Variants in CBFA2T3 observed in about 807,000 individuals in gnomAD.
CBFA2T3 encodes CBFA2/RUNX1 partner transcriptional co-repressor 3.
CBFA2T3 carries 31 observed loss-of-function variants against 58.6 expected under a neutral mutation model. That is an observed-to-expected ratio of 0.53 (90% CI 0.40 to 0.71). The LOEUF (loss-of-function observed/expected upper bound fraction) is 0.71. Ranked by LOEUF, CBFA2T3 falls within the 30% of genes least tolerant of loss-of-function variation. The probability of loss-of-function intolerance (pLI) is 0.00; values close to 1 mark genes in which losing one functional copy is unlikely to be tolerated. For missense variants in CBFA2T3, 1,076 were observed against 963.1 expected, an observed-to-expected ratio of 1.12 and a Z score of -1.55; for synonymous variants, 531 against 421.9, an observed-to-expected ratio of 1.26 and a Z score of -3.17.
rs568451020 is a variant in CBFA2T3 at position 88,966,253 on chromosome 16, G to A, written c.151+10404C>T. ...AAACACATCTTGGCCACATTAGGCC[G>A]TCTCTAGGGACAGACTCCAGAGCAG... On this transcript the variant is annotated intron_variant, in intron 1 of 11. Coordinates refer to ENST00000268679, the MANE Select transcript of CBFA2T3 (RefSeq NM_005187.6). 1.2e-4 allele frequency among the ~76,000 whole-genome samples: 19 copies of A among 152,350 alleles called. No individual in the cohort carries two copies. The Middle Eastern group carries it at 0.01, about 82-fold the overall frequency.
At chr16:88,894,406 C>A (rs1269149991) in intron 3 of CBFA2T3, among the ~76,000 whole-genome samples, 3 of 112,728 alleles carry the variant, frequency 2.7e-5, no homozygotes, top group African/African-American at 1.2e-4. Context: ...CACACATGCA[C>A]ACACACATGC....
intron 1 of CBFA2T3, among the ~76,000 whole-genome samples, chr16:88,918,799 T>C (rs1334250021): frequency 7.2e-5 from 11 of 152,196 alleles, no homozygotes; most frequent in Admixed American, 7.2e-4. Context: ...GCCGAGAACC[T>C]TGGAGCCACA....
At chr16:88,932,295 A>G (rs1485539023) in intron 1 of CBFA2T3, among the ~76,000 whole-genome samples, 4 of 146,578 alleles carry the variant, frequency 2.7e-5, no homozygotes, top group South Asian at 2.2e-4. Flanking sequence ...CAGAGCACAC[A>G]CTTCCAGGAA....
intron 1 of CBFA2T3, among the ~76,000 whole-genome samples, chr16:88,963,037 A>G (rs1660661049): frequency 6.6e-6 from 1 of 152,188 alleles, no homozygotes; most frequent in African/African-American, 2.4e-5. Context: ...TCAGCACCTG[A>G]GCTGCAGGGA....
chr16:88,912,339 G>A (rs1970557540), intron 1 of CBFA2T3, among the ~76,000 whole-genome samples: 1 of 152,196 alleles, frequency 6.6e-6, no homozygotes, highest in South Asian at 2.1e-4. Context: ...TGCGTCCTGG[G>A]GCCAGATGGG....
intron 1 of CBFA2T3, among the ~76,000 whole-genome samples, chr16:88,903,693 G>A (rs1970192494): frequency 7.5e-6 from 1 of 133,936 alleles, no homozygotes; most frequent in Non-Finnish European, 1.6e-5. Flanking sequence ...GGCATTCCTG[G>A]GGGGGGCGTT....
intron 4 of CBFA2T3, 119 bp from the exon 5 acceptor site, chr16:88,892,090 G>C: frequency 3.0e-6 from 4 of 1,355,192 alleles, no homozygotes; most frequent in Non-Finnish European, 4.1e-6. Flanking sequence ...CCAGGAGCTG[G>C]GCACGGCCTG....
chr16:88,893,826 G>A (rs1969751901), intron 3 of CBFA2T3, among the ~76,000 whole-genome samples: 1 of 152,180 alleles, frequency 6.6e-6, no homozygotes, highest in Admixed American at 6.5e-5. Flanking sequence ...AAGGCGGCCA[G>A]CGCACCCCTC....
intron 2 of CBFA2T3, 59 bp downstream of exon 2, chr16:88,901,445 C>T: frequency 3.3e-6 from 3 of 900,928 alleles, no homozygotes; most frequent in Admixed American, 3.1e-5. Context: ...GAATTTCAAA[C>T]AACACAAGGG....
chr16:88,877,368 C>G, intron 11 of CBFA2T3, 93 bp from the exon 12 acceptor site: 1 of 1,011,516 alleles, frequency 9.9e-7, no homozygotes, highest in South Asian at 1.6e-5. Flanking sequence ...CCAGCCACGT[C>G]ATCACCAGGT....
chr16:88,922,789 C>A (rs1038397180), intron 1 of CBFA2T3, among the ~76,000 whole-genome samples: 12 of 152,254 alleles, frequency 7.9e-5, no homozygotes, highest in Non-Finnish European at 4.4e-5. Flanking sequence ...TCCCGTGGCA[C>A]AGGCTTTGCC....
chr16:88,942,710 G>A (rs993376044), intron 1 of CBFA2T3, among the ~76,000 whole-genome samples: 9 of 152,254 alleles, frequency 5.9e-5, no homozygotes, highest in African/African-American at 2.2e-4. Context: ...GCTGTGGGAA[G>A]TGCTGTCTGA....
intron 1 of CBFA2T3, among the ~76,000 whole-genome samples, chr16:88,917,056 A>C (rs1164714790): frequency 6.7e-6 from 1 of 148,756 alleles, no homozygotes; most frequent in Admixed American, 6.7e-5. Context: ...CCTAGGTGAC[A>C]CCGTGACTCT....
intron 1 of CBFA2T3, among the ~76,000 whole-genome samples, chr16:88,971,719 C>G (rs1030536058): frequency 6.6e-6 from 1 of 152,236 alleles, no homozygotes; most frequent in Non-Finnish European, 1.5e-5. Context: ...GGCCCTCAGA[C>G]AGGCCTCTCT....
chr16:88,933,825 AC>A (rs1971392735), intron 1 of CBFA2T3, among the ~76,000 whole-genome samples: 1 of 152,072 alleles, frequency 6.6e-6, no homozygotes, highest in Non-Finnish European at 1.5e-5. Flanking sequence ...CGCGTATGTG[AC>A]TTGGTGAAAT....
At chr16:88,902,679 C>T (rs1970146195) in intron 1 of CBFA2T3, among the ~76,000 whole-genome samples, 1 of 152,220 alleles carries the variant, frequency 6.6e-6, no homozygotes, top group Non-Finnish European at 1.5e-5. Flanking sequence ...GTGTAAGCCC[C>T]AGGGCCTCCC....
chr16:88,891,958 G>A lies in CBFA2T3; in HGVS notation c.635C>T (p.Thr212Met), dbSNP rs759959618. Residue 212 changes from threonine (T) to methionine (M), a missense_variant, in exon 5 of 12, where the codon ACG becomes ATG. Transcript: ENST00000268679. ...AAGCTTGGAATGAAACTCCTCGATC[G>A]TCAATGTCGAGTTCTGCAGGGGAGA... ...LVLGLVNSTL[T>M]IEEFHSKLQE... 1.9e-5 allele frequency: 31 copies of A among 1,612,598 alleles called. No individual in the cohort carries two copies. Among genetic ancestry groups the A allele is most frequent in the Non-Finnish European group, 2.5e-5 (30 of 1,179,322 alleles).
Position 88,974,221 on chromosome 16 carries a change from G to C in CBFA2T3, c.151+2436C>G, listed in dbSNP as rs556164397. 3.2e-4 allele frequency among the ~76,000 whole-genome samples: 48 copies of C among 152,286 alleles called. No individual in the cohort carries two copies. The South Asian group carries it at 3.7e-3, about 12-fold the overall frequency. On this transcript the variant is annotated intron_variant, in intron 1 of 11. Transcript: ENST00000268679. The stretch of plus-strand genomic sequence containing the variant: ...CCTCTTCTTCTGCAAAGTGGGCTTG[G>C]GGGGACAAGGCGGTGAGAGCCTGCA...
rs1968777386 is a variant in CBFA2T3, at chr16:88,875,052, C to T, written c.*1924G>A. On this transcript the variant is annotated 3_prime_UTR_variant, in exon 12 of 12. Transcript: ENST00000268679. ...GAGTTCCTAGAACTCCTGATAGCCA[C>T]GCACACAGATGCCAGGCCACGGGCC... is the stretch of plus-strand genomic sequence containing the variant. The T allele has an allele frequency of 1.3e-5, 3 of 235,762 alleles. No homozygotes were observed. Among genetic ancestry groups the T allele is most frequent in the African/African-American group, 4.4e-5 (2 of 45,336 alleles). The allele number at this position is 235,762 out of a possible 1,614,324, so 14.6% of individuals were successfully genotyped here.
Sources: gnomAD v4.1 joint callset for allele counts (sites outside exome capture counted in the v4.1 genomes callset) on GRCh38, gnomAD v4.1.1 for gene constraint, MANE v1.5 for transcripts, NCBI Gene and HGNC (gene_info 2026-07-23, HGNC 2026-07-21) for gene names.